The following SACS variants were observed in gnomAD, a reference collection of about 807,000 sequenced individuals.
The protein encoded by SACS is sacsin.
Under a neutral mutation model 348.0 loss-of-function variants are expected in SACS, and 197 were observed. The ratio of observed to expected loss-of-function variants is 0.57; its 90% confidence interval spans 0.50 to 0.64. The LOEUF (loss-of-function observed/expected upper bound fraction) is 0.64. Among genes scored for constraint, SACS ranks in the 30% least tolerant of loss-of-function variants. The pLI is 0.00. For missense variants in SACS, 4,999 were observed against 5,360.8 expected (o/e 0.93, Z 2.11); for synonymous variants, 1,985 against 1,910.6 (o/e 1.04, Z -1.02).
intron 1 of SACS, among the ~76,000 whole-genome samples, chr13:23,432,497 C>T (rs1874473128): frequency 6.6e-6 from 1 of 152,092 alleles, no homozygotes; most frequent in Non-Finnish European, 1.5e-5. Flanking sequence ...CAAAGTGAGG[C>T]TTCAGGGCAA....
chr13:23,405,777 A>G (rs1873178042), intron 2 of SACS, among the ~76,000 whole-genome samples: 1 of 152,246 alleles, frequency 6.6e-6, no homozygotes, highest in Non-Finnish European at 1.5e-5. Flanking sequence ...GTGGCCAACA[A>G]ACATTTGAAA....
At chr13:23,356,550 G>A (rs77443833) in intron 7 of SACS, among the ~76,000 whole-genome samples, 5,029 of 152,272 alleles carry the variant, frequency 0.033, 221 homozygotes, top group African/African-American at 0.1. Context: ...ATCTCACCAC[G>A]TGGAGCCTAA....
At chr13:23,399,591 A>G (rs1340081579) in intron 2 of SACS, among the ~76,000 whole-genome samples, 1 of 152,110 alleles carries the variant, frequency 6.6e-6, no homozygotes, top group Non-Finnish European at 1.5e-5. Flanking sequence ...ACTCCAGCCT[A>G]TGGGGATAGG....
chr13:23,382,612 AT>A (rs1872106014), intron 2 of SACS, among the ~76,000 whole-genome samples: 1 of 152,192 alleles, frequency 6.6e-6, no homozygotes, highest in Non-Finnish European at 1.5e-5. Flanking sequence ...TCAAATGTAT[AT>A]TTGAACTCAA....
intron 2 of SACS, among the ~76,000 whole-genome samples, chr13:23,396,514 G>T (rs9634392): frequency 0.29 from 44,562 of 151,518 alleles, 6,806 homozygotes; most frequent in East Asian, 0.44. Context: ...TGGATTTACG[G>T]TCAATTAAGG....
chr13:23,426,441 G>C, intron 1 of SACS, among the ~76,000 whole-genome samples: 1 of 152,134 alleles, frequency 6.6e-6, no homozygotes, highest in East Asian at 1.9e-4. Flanking sequence ...AGGAGTTCAA[G>C]ACCAGCCTGG....
chr13:23,381,357 A>ACG (rs1203747718), intron 2 of SACS, among the ~76,000 whole-genome samples: 17 of 25,830 alleles, frequency 6.6e-4, no homozygotes, highest in African/African-American at 1.2e-3. Context: ...AGCACGAAGC[A>ACG]CACACACACA....
In SACS at chr13:23,329,944, AAT is replaced by A. The variant is rs1883360172; in HGVS notation, c.*190_*191del. The A allele has an allele frequency of 3.3e-6, 2 of 610,724 alleles. No homozygotes were observed. The highest frequency in any genetic ancestry group is 2.0e-5 in the South Asian group (1 of 49,976). 37.8% of individuals were successfully genotyped at this position (610,724 alleles called of 1,614,324 possible). ...TTTTGCAGCTCACCACCATCTTCAA[AAT>A]AGTTTTCTTTTAGATTCAGTTAAGG... On this transcript the variant is annotated 3_prime_UTR_variant, in exon 10 of 10. Transcript: ENST00000382292.
intron 4 of SACS, 35 bp downstream of exon 4, chr13:23,371,043 C>T (rs765313030): frequency 1.9e-5 from 25 of 1,315,818 alleles, no homozygotes; most frequent in African/African-American, 3.0e-5. Flanking sequence ...TGCAACCCAA[C>T]ATGGTATATA....
At chr13:23,389,653 C>T (rs760328745) in intron 2 of SACS, among the ~76,000 whole-genome samples, 1 of 152,148 alleles carries the variant, frequency 6.6e-6, no homozygotes, top group Non-Finnish European at 1.5e-5. Context: ...AAAAAAAGGA[C>T]GGAATACGTG....
chr13:23,338,733 T>A lies in SACS; in HGVS notation c.5143A>T (p.Lys1715Ter), dbSNP rs755824618. The change falls in exon 10 of 10, where the codon AAA (lysine) becomes TAA (stop). Residue 1715 changes from lysine to a stop codon, truncating the protein, a stop_gained. Coordinates refer to ENST00000382292, the MANE Select transcript of SACS (RefSeq NM_014363.6). LOFTEE classifies it high-confidence loss of function. ...PSLAQDTVII[K>*]KKSCSSKALN... ...GCTTTGGAAGAGCAGGATTTTTTTTTAATTATTACTGTATCTTGTGCTAAA... is the reference window on the plus strand; with the variant it reads ...GCTTTGGAAGAGCAGGATTTTTTTTAAATTATTACTGTATCTTGTGCTAAA... The A allele has an allele frequency of 8.7e-6, 14 of 1,607,636 alleles. No individual in the cohort carries two copies. Among genetic ancestry groups the A allele is most frequent in the African/African-American group, 1.3e-5 (1 of 74,350 alleles).
intron 8 of SACS, among the ~76,000 whole-genome samples, chr13:23,354,234 T>C (rs1436545573): frequency 6.6e-6 from 1 of 152,144 alleles, no homozygotes; most frequent in Non-Finnish European, 1.5e-5. Flanking sequence ...TCTGGCCTTG[T>C]TATTATTTGC....
chr13:23,420,478 A>G (rs199563923), intron 1 of SACS, among the ~76,000 whole-genome samples: 2 of 151,876 alleles, frequency 1.3e-5, no homozygotes, highest in East Asian at 3.9e-4. Context: ...CTGTGGCCCA[A>G]TGTAAATCTG....
At chr13:23,344,987 A>T (rs1869505324) in intron 9 of SACS, among the ~76,000 whole-genome samples, 1 of 152,236 alleles carries the variant, frequency 6.6e-6, no homozygotes, top group South Asian at 2.1e-4. Context: ...TAGTCTACTT[A>T]AAAATTTACT....
intron 3 of SACS, among the ~76,000 whole-genome samples, chr13:23,372,354 A>AT (rs1368868268): frequency 5.9e-5 from 9 of 152,218 alleles, no homozygotes; most frequent in Admixed American, 5.9e-4. Context: ...AATGATAAGC[A>AT]TATTCTCAAC....
At chr13:23,402,178 G>GAAAA (rs34188080) in intron 2 of SACS, among the ~76,000 whole-genome samples, 2 of 103,172 alleles carry the variant, frequency 1.9e-5, no homozygotes, top group African/African-American at 7.5e-5. Flanking sequence ...ACTCCATCTC[G>GAAAA]AAAAAAAAAA....
At chr13:23,371,916 C>A (rs981282194) in intron 3 of SACS, among the ~76,000 whole-genome samples, 1 of 152,178 alleles carries the variant, frequency 6.6e-6, no homozygotes, top group African/African-American at 2.4e-5. Context: ...ATGACATCAT[C>A]ATAAATGATC....
At chr13:23,379,245 G>A (rs1450149578) in intron 2 of SACS, among the ~76,000 whole-genome samples, 1 of 152,174 alleles carries the variant, frequency 6.6e-6, no homozygotes, top group Non-Finnish European at 1.5e-5. Context: ...ATTGTGAGGT[G>A]GCAGGAGGCA....
intron 1 of SACS, among the ~76,000 whole-genome samples, chr13:23,416,649 C>T (rs989504355): frequency 2.0e-5 from 3 of 150,776 alleles, no homozygotes; most frequent in Non-Finnish European, 4.4e-5. Flanking sequence ...CCCAGCTACT[C>T]GGGAGGCTGA....
Sources: allele counts gnomAD v4.1 joint callset (sites outside exome capture counted in the v4.1 genomes callset), GRCh38; gene constraint gnomAD v4.1.1; transcripts MANE v1.5; gene names NCBI Gene and HGNC (gene_info 2026-07-23, HGNC 2026-07-21).